The following SIM1 variants were observed in gnomAD, a reference collection of about 807,000 sequenced individuals.
SIM1 encodes the protein SIM bHLH transcription factor 1, also known as single-minded homolog 1.
SIM1 carries 18 observed loss-of-function variants against 78.2 expected under a neutral mutation model. That is an observed-to-expected ratio of 0.23 (90% CI 0.16 to 0.34). The LOEUF (loss-of-function observed/expected upper bound fraction) is 0.34. Ranked by LOEUF, SIM1 falls within the 10% of genes least tolerant of loss-of-function variation. The pLI is 1.00. For missense variants in SIM1, 939 were observed against 975.1 expected (o/e 0.96, Z 0.49); for synonymous variants, 417 against 385.2 (o/e 1.08, Z -0.97).
rs1335899103 is a variant in SIM1 at position 100,388,787 on chromosome 6, C to T, written c.*1574G>A. 6.6e-6 allele frequency: 1 copy of T among 152,114 alleles called. No individual in the cohort carries two copies. The highest frequency in any genetic ancestry group is 2.4e-5 in the African/African-American group (1 of 41,410). The allele number at this position is 152,114 out of a possible 1,614,324, so 9.4% of individuals were successfully genotyped here. A position where few individuals can be genotyped will look rare whatever the true frequency, so the allele number is the denominator to read the frequency against. ...CTCTCTAATCACTTATATCATTTTG[C>T]TTTAATTACTAGAGAATAGAGCATT... On this transcript the variant is annotated 3_prime_UTR_variant, in exon 12 of 12. Transcript: ENST00000369208.
chr6:100,426,713 G>C (rs567560837), intron 9 of SIM1, among the ~76,000 whole-genome samples: 27 of 152,288 alleles, frequency 1.8e-4, no homozygotes, highest in African/African-American at 6.5e-4. Flanking sequence ...ATCAGTTCTT[G>C]TTGATTCAAG....
intron 10 of SIM1, among the ~76,000 whole-genome samples, chr6:100,410,021 A>G (rs917644356): frequency 2.2e-4 from 33 of 152,202 alleles, no homozygotes; most frequent in Non-Finnish European, 3.8e-4. Flanking sequence ...GACCTTATGG[A>G]AAAACAAAGC....
chr6:100,464,080 A>G (rs560201004), intron 1 of SIM1, 145 bp from the exon 2 acceptor site: 8 of 152,308 alleles, frequency 5.3e-5, no homozygotes, highest in African/African-American at 1.9e-4. Flanking sequence ...AAACGGGTAA[A>G]TCGGCAGCGA....
In SIM1 at chr6:100,389,512, C is replaced by T. The variant is rs1364777983; in HGVS notation, c.*849G>A. 5 of 397,704 alleles carry T rather than the reference C, an allele frequency of 1.3e-5. No homozygotes were observed. Among genetic ancestry groups the T allele is most frequent in the African/African-American group, 2.1e-5 (1 of 48,608 alleles). The allele number at this position is 397,704 out of a possible 1,614,324, so 24.6% of individuals were successfully genotyped here. A position where few individuals can be genotyped will look rare whatever the true frequency, so the allele number is the denominator to read the frequency against. On this transcript the variant is annotated 3_prime_UTR_variant, in exon 12 of 12. Transcript: ENST00000369208. ...AATATGTTGTTTACTTATGCTGAGC[C>T]CTTAAATTGTGTTAAACTTTGAGAT...
In SIM1 at chr6:100,458,479, C is replaced by T. The variant is rs1047491848; in HGVS notation, c.176-4635G>A. On this transcript the variant is annotated intron_variant, in intron 2 of 11. Coordinates refer to ENST00000369208, the MANE Select transcript of SIM1 (RefSeq NM_005068.3). ...ACTGGATCTGGACCTAAGGTTTAGACGACTGCTTGCCCTTCAGGGACAGTG... is the reference window on the plus strand; with the variant it reads ...ACTGGATCTGGACCTAAGGTTTAGATGACTGCTTGCCCTTCAGGGACAGTG... Among the ~76,000 whole-genome samples, 50 of 152,204 alleles carry T rather than the reference C, an allele frequency of 3.3e-4. 1 individual carries two copies. Among genetic ancestry groups the T allele is most frequent in the African/African-American group, 1.2e-3 (49 of 41,454 alleles).
At position 100,389,528 on chromosome 6, in the gene SIM1, A is replaced by C. The variant is rs1770583088; in HGVS notation, c.*833T>G. 2.5e-6 allele frequency: 1 copy of C among 398,170 alleles called. No individual in the cohort carries two copies. The highest frequency in any genetic ancestry group is 4.4e-6 in the Non-Finnish European group (1 of 225,794). The allele number at this position is 398,170 out of a possible 1,614,324, so 24.7% of individuals were successfully genotyped here. A position where few individuals can be genotyped will look rare whatever the true frequency, so the allele number is the denominator to read the frequency against. On this transcript the variant is annotated 3_prime_UTR_variant, in exon 12 of 12. Coordinates refer to ENST00000369208, the MANE Select transcript of SIM1 (RefSeq NM_005068.3). ...ATGCTGAGCCCTTAAATTGTGTTAA[A>C]CTTTGAGATAGCATTTTATTTCACT...
At chr6:100,443,129 A>G (rs1021771291) in intron 9 of SIM1, among the ~76,000 whole-genome samples, 7 of 151,970 alleles carry the variant, frequency 4.6e-5, no homozygotes, top group African/African-American at 1.2e-4. Context: ...TAACTTTTCT[A>G]TGAATTCAAA....
intron 1 of SIM1, 39 bp downstream of exon 1, chr6:100,464,575 G>A (rs1772942998): frequency 6.6e-6 from 1 of 152,230 alleles, no homozygotes; most frequent in African/African-American, 2.4e-5. Flanking sequence ...GAGCTGCGGG[G>A]CTGCTGGGCG....
At chr6:100,411,483 C>G (rs1002163581) in intron 10 of SIM1, among the ~76,000 whole-genome samples, 2 of 152,158 alleles carry the variant, frequency 1.3e-5, no homozygotes, top group Non-Finnish European at 2.9e-5. Flanking sequence ...TCAGACCATC[C>G]CTAGGTTGTT....
chr6:100,393,598 C>G lies in SIM1; in HGVS notation c.1459G>C (p.Glu487Gln), dbSNP rs1562231169. 1 of 1,613,912 alleles carries G rather than the reference C, an allele frequency of 6.2e-7. No homozygotes were observed. ...GCTGCGCGAGAGCCCCACCAGGGCT[C>G]CCTCCCGGCCTGCGGCGTTCCCAGG... ...YFLGTPQAGREPWWGSRAALP... is the reference protein window; with the variant it reads ...YFLGTPQAGRQPWWGSRAALP... The change falls in exon 11 of 12, where the codon GAG becomes CAG. Residue 487 changes from glutamate (E) to glutamine (Q), a missense_variant. Physicochemically the swap from Glu to Gln is conservative, Grantham distance 29. Around this residue, in one of 5 missense-constraint regions of SIM1, gnomAD observed 556 missense variants for 521.9 expected, o/e 1.07. Coordinates refer to ENST00000369208, the MANE Select transcript of SIM1 (RefSeq NM_005068.3).
chr6:100,410,861 T>C lies in SIM1; in HGVS notation c.1167+9929A>G, dbSNP rs185911627. ...ATGTGATGTCCTCTTCCAGAGAGCCTGGAACCAGACAAAGACAGTGAGGAG... is the reference window on the plus strand; with the variant it reads ...ATGTGATGTCCTCTTCCAGAGAGCCCGGAACCAGACAAAGACAGTGAGGAG... On this transcript the variant is annotated intron_variant, in intron 10 of 11. Coordinates refer to ENST00000369208, the MANE Select transcript of SIM1 (RefSeq NM_005068.3). Among the ~76,000 whole-genome samples, 21 of 152,288 alleles carry C rather than the reference T, an allele frequency of 1.4e-4. No homozygotes were observed. In the East Asian group the frequency reaches 3.7e-3, roughly 27 times the overall value.
chr6:100,459,853 C>A (rs1772790356), intron 2 of SIM1, among the ~76,000 whole-genome samples: 1 of 152,200 alleles, frequency 6.6e-6, no homozygotes. Flanking sequence ...AGCTGGATAA[C>A]AAATATGTAT....
chr6:100,449,227 G>A, intron 6 of SIM1, 136 bp downstream of exon 6: 1 of 685,718 alleles, frequency 1.5e-6, no homozygotes, highest in East Asian at 2.7e-5. Flanking sequence ...GGAGAGTCCT[G>A]GCCTGCGGCT....
intron 10 of SIM1, among the ~76,000 whole-genome samples, chr6:100,418,882 T>C (rs559659774): frequency 2.0e-5 from 3 of 152,156 alleles, no homozygotes; most frequent in Non-Finnish European, 4.4e-5. Flanking sequence ...AAGAAGCAGC[T>C]CCTGGCCAGG....
At chr6:100,445,219 A>G (rs1212019259) in intron 9 of SIM1, among the ~76,000 whole-genome samples, 1 of 152,182 alleles carries the variant, frequency 6.6e-6, no homozygotes, top group Admixed American at 6.5e-5. Context: ...CCACTTGATG[A>G]CATTTCGTCT....
chr6:100,428,224 T>C (rs2114514168), intron 9 of SIM1, among the ~76,000 whole-genome samples: 1 of 152,344 alleles, frequency 6.6e-6, no homozygotes. Flanking sequence ...GCTCAGCATA[T>C]GTGCTACTTA....
At chr6:100,461,569 C>T (rs1772846703) in intron 2 of SIM1, among the ~76,000 whole-genome samples, 1 of 152,232 alleles carries the variant, frequency 6.6e-6, no homozygotes, top group Non-Finnish European at 1.5e-5. Context: ...GGAAATCACG[C>T]AGAAAGGGAG....
intron 10 of SIM1, among the ~76,000 whole-genome samples, chr6:100,419,730 C>T (rs1047218439): frequency 3.3e-5 from 5 of 152,102 alleles, no homozygotes; most frequent in African/African-American, 9.7e-5. Flanking sequence ...CAACCTCTGT[C>T]GCCCAGGTTC....
rs781333048 is a variant in SIM1, at chr6:100,393,797, C to A, written c.1260G>T (p.Leu420=). 2 of 1,613,850 alleles carry A rather than the reference C, an allele frequency of 1.2e-6. No individual in the cohort carries two copies. Among genetic ancestry groups the A allele is most frequent in the African/African-American group, 2.7e-5 (2 of 74,924 alleles). Residue 420 remains leucine (L), a synonymous_variant, in exon 11 of 12, where the codon CTG becomes CTT. Coordinates refer to ENST00000369208, the MANE Select transcript of SIM1 (RefSeq NM_005068.3). ...GGGAGCCAGGCCTATCGGCGGGGTCCAGAAGCTGCGGAGAGGCCGTGTCGG... is the reference window on the plus strand; with the variant it reads ...GGGAGCCAGGCCTATCGGCGGGGTCAAGAAGCTGCGGAGAGGCCGTGTCGG... ...PLTDTASPQL[L]DPADRPGSQH...
Sources: gnomAD v4.1 joint callset for allele counts (sites outside exome capture counted in the v4.1 genomes callset) on GRCh38, gnomAD v4.1.1 for gene constraint, gnomAD v4.1.1 regional missense constraint, MANE v1.5 for transcripts, NCBI Gene and HGNC (gene_info 2026-07-23, HGNC 2026-07-21) for gene names.